The following DTWD1 variants were observed in gnomAD, a reference collection of about 807,000 sequenced individuals.
The protein encoded by DTWD1 is DTW motif tRNA-uridine aminocarboxypropyltransferase 1.
In DTWD1, 27 loss-of-function variants were observed where a neutral mutation model predicts 30.2. The ratio of observed to expected loss-of-function variants is 0.90; its 90% CI spans 0.66 to 1.23. DTWD1 has a LOEUF of 1.23. Ranked by LOEUF, DTWD1 falls within the 50% of genes most tolerant of loss-of-function variation. The pLI, the probability that DTWD1 is intolerant of heterozygous loss-of-function variation, is 0.00. For missense variants in DTWD1, 342 were observed against 348.8 expected (o/e 0.98, Z 0.15); for synonymous variants, 99 against 113.1 (o/e 0.88, Z 0.79).
At chr15:49,633,966 A>G (rs2078966309) in intron 3 of DTWD1, among the ~76,000 whole-genome samples, 2 of 152,178 alleles carry the variant, frequency 1.3e-5, no homozygotes, top group African/African-American at 4.8e-5. Context: ...AGATATTGTA[A>G]GTGTCTGTGT....
At chr15:49,635,333 C>G (rs1305852652) in intron 4 of DTWD1, among the ~76,000 whole-genome samples, 1 of 151,950 alleles carries the variant, frequency 6.6e-6, no homozygotes. Context: ...CCACGTCCAG[C>G]CTAAGTGTAC....
At chr15:49,636,524 A>G (rs1033730741) in intron 4 of DTWD1, among the ~76,000 whole-genome samples, 2 of 152,108 alleles carry the variant, frequency 1.3e-5, no homozygotes, top group Non-Finnish European at 2.9e-5. Context: ...ATGTATCTTT[A>G]GTCTCTTTTA....
intron 1 of DTWD1, among the ~76,000 whole-genome samples, chr15:49,623,293 A>G (rs1163744802): frequency 6.6e-6 from 1 of 152,206 alleles, no homozygotes; most frequent in Non-Finnish European, 1.5e-5. Context: ...GTTTCTCTGT[A>G]AGAACCTCAG....
intron 2 of DTWD1, among the ~76,000 whole-genome samples, chr15:49,627,702 T>C (rs1054788733): frequency 7.9e-5 from 12 of 152,170 alleles, no homozygotes; most frequent in African/African-American, 2.2e-4. Context: ...TAAACAAATA[T>C]AAGCATAGAA....
At chr15:49,641,512 T>C (rs1023296753) in intron 4 of DTWD1, among the ~76,000 whole-genome samples, 1 of 152,124 alleles carries the variant, frequency 6.6e-6, no homozygotes, top group African/African-American at 2.4e-5. Flanking sequence ...TTATTGTTTT[T>C]GTTTTATACA....
chr15:49,627,211 C>A (rs1043143178), intron 2 of DTWD1, among the ~76,000 whole-genome samples: 1 of 152,146 alleles, frequency 6.6e-6, no homozygotes, highest in African/African-American at 2.4e-5. Flanking sequence ...GATCATCTCT[C>A]AATGGTCTGG....
chr15:49,624,150 C>T (rs2078807827), intron 1 of DTWD1, among the ~76,000 whole-genome samples: 1 of 152,142 alleles, frequency 6.6e-6, no homozygotes, highest in Admixed American at 6.5e-5. Flanking sequence ...TTTCTCTGGA[C>T]TTTTTGTTCA....
rs929805004 is a variant in DTWD1, at chr15:49,656,091, A to C, written c.*12513A>C. On this transcript the variant is annotated 3_prime_UTR_variant, in exon 5 of 5. Coordinates refer to ENST00000403028, the MANE Select transcript of DTWD1 (RefSeq NM_001144955.2). ...GTTAATTTCTGAAGCAGAAAGAAAGATGAATAAAAGTTCTGGTTTTACTTT... is the reference window on the plus strand; with the variant it reads ...GTTAATTTCTGAAGCAGAAAGAAAGCTGAATAAAAGTTCTGGTTTTACTTT... 7.9e-5 allele frequency: 12 copies of C among 152,102 alleles called. No homozygotes were observed. Among genetic ancestry groups the C allele is most frequent in the African/African-American group, 2.9e-4 (12 of 41,454 alleles). 9.4% of individuals were successfully genotyped at this position (152,102 alleles called of 1,614,324 possible).
In DTWD1 at chr15:49,655,646, A is replaced by G. The variant is rs889342658; in HGVS notation, c.*12068A>G. 2.0e-5 allele frequency: 3 copies of G among 152,018 alleles called. No homozygotes were observed. The highest frequency in any genetic ancestry group is 7.2e-5 in the African/African-American group (3 of 41,398). 9.4% of individuals were successfully genotyped at this position (152,018 alleles called of 1,614,324 possible). On this transcript the variant is annotated 3_prime_UTR_variant, in exon 5 of 5. Transcript: ENST00000403028. ...GATTATCTAGCCTACAGGGCCGATG[A>G]GGTATAGCTTGAAGTCATTCTAAAG... is the stretch of plus-strand genomic sequence containing the variant.
rs2079095230 is a variant in DTWD1 at position 49,643,819 on chromosome 15, A to G, written c.*241A>G. 2 of 343,168 alleles carry G rather than the reference A, an allele frequency of 5.8e-6. No homozygotes were observed. Among genetic ancestry groups the G allele is most frequent in the Non-Finnish European group, 1.0e-5 (2 of 191,570 alleles). The allele number at this position is 343,168 out of a possible 1,614,324, so 21.3% of individuals were successfully genotyped here. On this transcript the variant is annotated 3_prime_UTR_variant, in exon 5 of 5. Coordinates refer to ENST00000403028, the MANE Select transcript of DTWD1 (RefSeq NM_001144955.2). ...ATTTGCTCAGTGAAACCTCAGTTTC[A>G]TTACTACATTTTAATATAGTGTGTT...
intron 4 of DTWD1, among the ~76,000 whole-genome samples, chr15:49,641,558 A>G (rs945684642): frequency 1.3e-5 from 2 of 151,918 alleles, no homozygotes; most frequent in African/African-American, 4.8e-5. Context: ...GATGTTTACC[A>G]TTTTCTTTAC....
rs984973011 is a variant in DTWD1 at position 49,655,274 on chromosome 15, A to C, written c.*11696A>C. The C allele has an allele frequency of 1.3e-5, 2 of 152,118 alleles. No homozygotes were observed. The highest frequency in any genetic ancestry group is 2.9e-5 in the Non-Finnish European group (2 of 68,010). 9.4% of individuals were successfully genotyped at this position (152,118 alleles called of 1,614,324 possible). A position where few individuals can be genotyped will look rare whatever the true frequency, so the allele number is the denominator to read the frequency against. ...CCAGTACACAGAAATGAGAAATTTT[A>C]AAATGGTTGATTTAGGTAATTAAGT... On this transcript the variant is annotated 3_prime_UTR_variant, in exon 5 of 5. Coordinates refer to ENST00000403028, the MANE Select transcript of DTWD1 (RefSeq NM_001144955.2).
At chr15:49,632,807 T>C (rs1159629005) in intron 3 of DTWD1, among the ~76,000 whole-genome samples, 1 of 152,048 alleles carries the variant, frequency 6.6e-6, no homozygotes, top group Non-Finnish European at 1.5e-5. Flanking sequence ...TCTTAATTGG[T>C]TTTCACCCAG....
rs535101748 is a variant in DTWD1, at chr15:49,652,731, C to G, written c.*9153C>G. ...ATTCCTTTAGGAACTGCTCCCTAAG[C>G]ATACAGGGAGACATAGATCTATGTG... On this transcript the variant is annotated 3_prime_UTR_variant, in exon 5 of 5. Coordinates refer to ENST00000403028, the MANE Select transcript of DTWD1 (RefSeq NM_001144955.2). The G allele has an allele frequency of 6.6e-6, 1 of 151,490 alleles. No individual in the cohort carries two copies. Among genetic ancestry groups the G allele is most frequent in the African/African-American group, 2.4e-5 (1 of 40,910 alleles). 9.4% of individuals were successfully genotyped at this position (151,490 alleles called of 1,614,324 possible). A position where few individuals can be genotyped will look rare whatever the true frequency, so the allele number is the denominator to read the frequency against.
chr15:49,621,504 G>A (rs2078708370), intron 1 of DTWD1, among the ~76,000 whole-genome samples: 1 of 152,118 alleles, frequency 6.6e-6, no homozygotes, highest in South Asian at 2.1e-4. Context: ...ATCACGGAAG[G>A]GGAAGCGTAG....
chr15:49,637,189 T>C (rs1473557806), intron 4 of DTWD1, among the ~76,000 whole-genome samples: 2 of 152,146 alleles, frequency 1.3e-5, no homozygotes, highest in African/African-American at 2.4e-5. Context: ...TATGATCTTA[T>C]GGATTTTCTT....
At chr15:49,633,051 A>ATATCTATATCTATCTATATATATCTATC (rs1436181234) in intron 3 of DTWD1, among the ~76,000 whole-genome samples, 7 of 140,526 alleles carry the variant, frequency 5.0e-5, no homozygotes, top group African/African-American at 1.8e-4. Flanking sequence ...ATCTATATCT[A>ATATCTATATCTATCTATATATATCTATC]TATATATATA....
intron 2 of DTWD1, chr15:49,629,963 A>G (rs2078897276): frequency 6.6e-6 from 1 of 152,190 alleles, no homozygotes; most frequent in Non-Finnish European, 1.5e-5. Flanking sequence ...CCAGGAAGAA[A>G]AAAATTTGAA....
Position 49,643,555 on chromosome 15 carries a change from G to C in DTWD1, c.892G>C (p.Glu298Gln). ...IKNAKCSGDKETGKLTH is the reference protein window; with the variant it reads ...IKNAKCSGDKQTGKLTH ...GAATGCCAAATGCTCTGGAGATAAG[G>C]AAACAGGAAAACTTACACATTAGTT... The change falls in exon 5 of 5, where the codon GAA becomes CAA. Residue 298 changes from glutamate (E) to glutamine (Q), a missense_variant. By Grantham distance (29) the Glu-to-Gln change is conservative (BLOSUM62 2). Coordinates refer to ENST00000403028, the MANE Select transcript of DTWD1 (RefSeq NM_001144955.2). The C allele has an allele frequency of 6.3e-7, 1 of 1,596,616 alleles. No homozygotes were observed. The highest frequency in any genetic ancestry group is 8.5e-7 in the Non-Finnish European group (1 of 1,174,248).
Sources: gnomAD v4.1 joint callset for allele counts (sites outside exome capture counted in the v4.1 genomes callset) on GRCh38, gnomAD v4.1.1 for gene constraint, MANE v1.5 for transcripts, NCBI Gene and HGNC (gene_info 2026-07-23, HGNC 2026-07-21) for gene names.